The following CCDC124 variants were observed in gnomAD, a reference collection of about 807,000 sequenced individuals.
CCDC124 encodes coiled-coil domain-containing protein 124.
CCDC124 carries 9 observed loss-of-function variants against 19.8 expected under a neutral mutation model. The ratio of observed to expected loss-of-function variants is 0.45; its 90% CI spans 0.27 to 0.79. The LOEUF (loss-of-function observed/expected upper bound fraction) is 0.79. Among genes scored for constraint, CCDC124 ranks in the 30% least tolerant of loss-of-function variants. The probability of loss-of-function intolerance (pLI) is 0.14; values close to 1 mark genes in which losing one functional copy is unlikely to be tolerated. For missense variants in CCDC124, 285 were observed against 319.0 expected (o/e 0.89, Z 0.81); for synonymous variants, 126 against 131.3 (o/e 0.96, Z 0.27).
chr19:17,943,430 G>A (rs2031236141), intron 4 of CCDC124, 55 bp downstream of exon 4: 1 of 1,548,610 alleles, frequency 6.5e-7, no homozygotes, highest in Admixed American at 1.9e-5. Context: ...ATCGGGGGCG[G>A]GGCTACCTGG....
In CCDC124 at chr19:17,943,241, T is replaced by TCGGGGGCCCCCCCC; in HGVS notation, c.350-19_350-18insGGGGGCCCCCCCCC. The TCGGGGGCCCCCCCC allele has an allele frequency of 2.7e-6, 2 of 736,674 alleles. No individual in the cohort carries two copies. Among genetic ancestry groups the TCGGGGGCCCCCCCC allele is most frequent in the African/African-American group, 1.8e-5 (1 of 57,132 alleles). 45.6% of individuals were successfully genotyped at this position (736,674 alleles called of 1,614,324 possible). A position where few individuals can be genotyped will look rare whatever the true frequency, so the allele number is the denominator to read the frequency against. ...CTTTGCTTATCTCTCTCTGTCTCTG[T>TCGGGGGCCCCCCCC]CACCCACCCACCCGCCCAGCCGAGA... On this transcript the variant is annotated intron_variant, in intron 3 of 4. Transcript: ENST00000445755.
At chr19:17,936,110 G>A in intron 1 of CCDC124, 1 of 244,436 alleles carries the variant, frequency 4.1e-6, no homozygotes, top group Admixed American at 5.4e-5. Context: ...TTGCCGTGTT[G>A]GCCAGGCTAG....
At chr19:17,933,422 C>G (rs1187129846) in intron 1 of CCDC124, among the ~76,000 whole-genome samples, 1 of 152,146 alleles carries the variant, frequency 6.6e-6, no homozygotes, top group African/African-American at 2.4e-5. Flanking sequence ...ATTTTGTATT[C>G]TGTTATTTTA....
In CCDC124 at chr19:17,942,258, C is replaced by T. The variant is rs553387659; in HGVS notation, c.160-398C>T. On this transcript the variant is annotated intron_variant, in intron 2 of 4. Coordinates refer to ENST00000445755, the MANE Select transcript of CCDC124 (RefSeq NM_001136203.2). This position sits in a 1 kb window ranked among gnomAD's most constrained non-coding sequence, Gnocchi z 4.2. ...CCCCAGAGGCTCCGCATGGCCCAGC[C>T]GTCTCCCTCCCGGCCTCTTCCCCCT... 6.6e-6 allele frequency among the ~76,000 whole-genome samples: 1 copy of T among 152,104 alleles called. No individual in the cohort carries two copies. Among genetic ancestry groups the T allele is most frequent in the Non-Finnish European group, 1.5e-5 (1 of 68,006 alleles).
At position 17,936,272 on chromosome 19, in the gene CCDC124, G is replaced by A. The variant is rs2031059938; in HGVS notation, c.-11-138G>A. 5 of 707,382 alleles carry A rather than the reference G, an allele frequency of 7.1e-6. No individual in the cohort carries two copies. The South Asian group carries it at 1.0e-4, about 14-fold the overall frequency. 43.8% of individuals were successfully genotyped at this position (707,382 alleles called of 1,614,324 possible). ...TAAACTTTTACAAGGAGAGCGCTAA[G>A]TCCAAAGCCCTTGTTTTATACAGAG... On this transcript the variant is annotated intron_variant, in intron 1 of 4. Transcript: ENST00000445755.
chr19:17,938,300 A>G (rs181193227), intron 2 of CCDC124, among the ~76,000 whole-genome samples: 8 of 152,278 alleles, frequency 5.3e-5, no homozygotes, highest in African/African-American at 1.2e-4. Flanking sequence ...TAATCGTGCT[A>G]CTGTACTCCA....
intron 1 of CCDC124, among the ~76,000 whole-genome samples, chr19:17,934,800 T>G (rs906300496): frequency 6.6e-6 from 1 of 151,980 alleles, no homozygotes; most frequent in Non-Finnish European, 1.5e-5. Flanking sequence ...AATAAATAAA[T>G]GTACTCTCAC....
intron 2 of CCDC124, among the ~76,000 whole-genome samples, chr19:17,937,472 C>T (rs572263545): frequency 4.6e-5 from 7 of 152,018 alleles, no homozygotes; most frequent in Non-Finnish European, 1.0e-4. Context: ...TCATTCTCAC[C>T]GTGGAGCTAC....
Position 17,936,420 on chromosome 19 carries a change from G to C in CCDC124, c.-1G>C. The C allele has an allele frequency of 1.2e-6, 2 of 1,610,120 alleles. No individual in the cohort carries two copies. Among genetic ancestry groups the C allele is most frequent in the South Asian group, 2.2e-5 (2 of 90,930 alleles). ...ATCCTCTTCCCGCAGCCTGCTGAGG[G>C]ATGCCCAAGAAGTTCCAGGGTGAGA... On this transcript the variant is annotated 5_prime_UTR_variant, in exon 2 of 5. Coordinates refer to ENST00000445755, the MANE Select transcript of CCDC124 (RefSeq NM_001136203.2).
At chr19:17,941,062 C>T (rs998216753) in intron 2 of CCDC124, among the ~76,000 whole-genome samples, 14 of 151,706 alleles carry the variant, frequency 9.2e-5, no homozygotes, top group African/African-American at 2.7e-4. Context: ...AACAAACGAA[C>T]GAAAAAAACA....
At position 17,942,682 on chromosome 19, in the gene CCDC124, C is replaced by T. The variant is rs1382792856; in HGVS notation, c.186C>T (p.Asp62=). The change falls in exon 3 of 5, where the codon GAC becomes GAT. Residue 62 remains aspartate (D), a synonymous_variant. Transcript: ENST00000445755. The surrounding 1 kb of genome is among the most constrained non-coding windows in gnomAD (Gnocchi z 4.2). ...AGGAGAAGGAGAAGCGGCGCCTCGA[C>T]CAGCTGGAACGTAAGAAGGAGACGC... ...RKEEKEKRRL[D]QLERKKETQR... 1.9e-6 allele frequency: 3 copies of T among 1,556,360 alleles called. No individual in the cohort carries two copies. The highest frequency in any genetic ancestry group is 2.6e-6 in the Non-Finnish European group (3 of 1,150,106).
At position 17,942,627 on chromosome 19, in the gene CCDC124, C is replaced by A; in HGVS notation, c.160-29C>A. On this transcript the variant is annotated intron_variant, in intron 2 of 4. Coordinates refer to ENST00000445755, the MANE Select transcript of CCDC124 (RefSeq NM_001136203.2). This position sits in a 1 kb window ranked among gnomAD's most constrained non-coding sequence, Gnocchi z 4.2. ...GGGTGGCGCGGGGGTGTGGGGTCTT[C>A]TGCCTGACCATGCACGCCGCCCCCG... is the stretch of plus-strand genomic sequence containing the variant. The A allele has an allele frequency of 6.5e-7, 1 of 1,549,572 alleles. No individual in the cohort carries two copies. The highest frequency in any genetic ancestry group is 2.0e-4 in the Middle Eastern group (1 of 4,958).
intron 1 of CCDC124, among the ~76,000 whole-genome samples, 155 bp downstream of exon 1, chr19:17,933,203 G>T (rs2030984606): frequency 6.6e-6 from 1 of 152,212 alleles, no homozygotes; most frequent in Middle Eastern, 3.2e-3. Flanking sequence ...GCACCTAGTT[G>T]GGGGCGATGC....
chr19:17,938,015 G>T (rs2031100917), intron 2 of CCDC124, among the ~76,000 whole-genome samples: 1 of 152,152 alleles, frequency 6.6e-6, no homozygotes, highest in South Asian at 2.1e-4. Flanking sequence ...TCACAGTCCT[G>T]AGCCAATGTG....
In CCDC124 at chr19:17,943,241, T is replaced by TCGGGGCCCCCCC; in HGVS notation, c.350-19_350-18insGGGGCCCCCCCC. On this transcript the variant is annotated intron_variant, in intron 3 of 4. Coordinates refer to ENST00000445755, the MANE Select transcript of CCDC124 (RefSeq NM_001136203.2). ...CTTTGCTTATCTCTCTCTGTCTCTG[T>TCGGGGCCCCCCC]CACCCACCCACCCGCCCAGCCGAGA... 1 of 736,678 alleles carries TCGGGGCCCCCCC rather than the reference T, an allele frequency of 1.4e-6. No homozygotes were observed. Among genetic ancestry groups the TCGGGGCCCCCCC allele is most frequent in the Non-Finnish European group, 2.4e-6 (1 of 414,970 alleles). 45.6% of individuals were successfully genotyped at this position (736,678 alleles called of 1,614,324 possible). A position where few individuals can be genotyped will look rare whatever the true frequency, so the allele number is the denominator to read the frequency against.
intron 2 of CCDC124, 39 bp downstream of exon 2, chr19:17,936,618 T>G: frequency 6.3e-7 from 1 of 1,588,076 alleles, no homozygotes; most frequent in Non-Finnish European, 8.6e-7. Flanking sequence ...GCATGCCTTG[T>G]GGCCAAGGCC....
intron 1 of CCDC124, among the ~76,000 whole-genome samples, chr19:17,933,528 G>A (rs945522198): frequency 2.6e-5 from 4 of 152,256 alleles, no homozygotes; most frequent in Admixed American, 1.3e-4. Context: ...TACCGCCTGG[G>A]CTCCCAGCTC....
Position 17,943,628 on chromosome 19 carries a change from G to A in CCDC124, c.585G>A (p.Gln195=), listed in dbSNP as rs1485527594. The change falls in exon 5 of 5, where the codon CAG becomes CAA. Residue 195 remains glutamine (Q), a synonymous_variant. Transcript: ENST00000445755. ...AGAACCCCAACATGCGGCTGTCGCA[G>A]CTGAAACAGCTGCTCAAGAAGGAGT... is the stretch of plus-strand genomic sequence containing the variant. ...KQENPNMRLS[Q]LKQLLKKEWL... 1 of 1,612,842 alleles carries A rather than the reference G, an allele frequency of 6.2e-7. No individual in the cohort carries two copies. The highest frequency in any genetic ancestry group is 1.3e-5 in the African/African-American group (1 of 74,932).
chr19:17,936,410 C>T lies in CCDC124; in HGVS notation c.-11C>T. The T allele has an allele frequency of 6.2e-7, 1 of 1,604,568 alleles. No homozygotes were observed. Among genetic ancestry groups the T allele is most frequent in the Non-Finnish European group, 8.5e-7 (1 of 1,173,190 alleles). On this transcript the variant is annotated splice_region_variant and 5_prime_UTR_variant, in exon 2 of 5. Transcript: ENST00000445755. ...CCCCATCCCCATCCTCTTCCCGCAG[C>T]CTGCTGAGGGATGCCCAAGAAGTTC... is the stretch of plus-strand genomic sequence containing the variant.
Sources: gnomAD v4.1 joint callset for allele counts (sites outside exome capture counted in the v4.1 genomes callset) on GRCh38, gnomAD v4.1.1 for gene constraint, Gnocchi (gnomAD v3.1) non-coding constraint, MANE v1.5 for transcripts, NCBI Gene and HGNC (gene_info 2026-07-23, HGNC 2026-07-21) for gene names.